The following DEPDC5 variants were observed in gnomAD, a reference collection of about 807,000 sequenced individuals.
DEPDC5 encodes GATOR1 complex protein DEPDC5.
A neutral mutation model predicts 217.3 loss-of-function variants in DEPDC5; 73 were observed. That is an observed-to-expected ratio of 0.34 (90% CI 0.28 to 0.41). The LOEUF (loss-of-function observed/expected upper bound fraction) is 0.41, where lower values mean the gene tolerates loss of function less well. Among genes scored for constraint, DEPDC5 ranks in the 10% least tolerant of loss-of-function variants. The pLI is 1.00. For synonymous variants in DEPDC5, 733 were observed against 756.7 expected (o/e 0.97, Z 0.51); for missense variants, 1,675 against 2,070.1 (o/e 0.81, Z 3.70).
chr22:31,856,302 CCAA>C (rs1444414937), intron 31 of DEPDC5, among the ~76,000 whole-genome samples: 1 of 152,002 alleles, frequency 6.6e-6, no homozygotes, highest in Non-Finnish European at 1.5e-5. Context: ...CCTGAAGGGG[CCAA>C]CAACTGAGAC....
chr22:31,789,057 C>T (rs905736944), intron 10 of DEPDC5, among the ~76,000 whole-genome samples: 6 of 150,808 alleles, frequency 4.0e-5, no homozygotes, highest in African/African-American at 1.2e-4. Context: ...CCACCTTACC[C>T]TGCTAATTTT....
chr22:31,836,894 C>A, intron 25 of DEPDC5, 78 bp from the exon 26 acceptor site: 2 of 1,275,606 alleles, frequency 1.6e-6, no homozygotes, highest in Non-Finnish European at 1.1e-6. Context: ...CTCTTCCCTC[C>A]CCTTCCCTCC....
At chr22:31,855,866 CAT>C (rs199772559) in intron 31 of DEPDC5, among the ~76,000 whole-genome samples, 2,184 of 151,816 alleles carry the variant, frequency 0.014, 19 homozygotes, top group Middle Eastern at 0.031. Context: ...ACTATGGAAA[CAT>C]ATTTTTGCAT....
At chr22:31,766,210 C>A (rs991938965) in intron 5 of DEPDC5, among the ~76,000 whole-genome samples, 1 of 152,086 alleles carries the variant, frequency 6.6e-6, no homozygotes, top group East Asian at 1.9e-4. Context: ...TCTCATTTTT[C>A]TTCAAGAAGT....
Position 31,893,639 on chromosome 22 carries a change from C to T in DEPDC5, c.4091C>T (p.Thr1364Ile), listed in dbSNP as rs768259642. The T allele has an allele frequency of 6.2e-7, 1 of 1,613,758 alleles. No individual in the cohort carries two copies. The highest frequency in any genetic ancestry group is 8.5e-7 in the Non-Finnish European group (1 of 1,179,918). The change falls in exon 39 of 43, where the codon ACA becomes ATA. Residue 1364 changes from threonine (T) to isoleucine (I), a missense_variant. Physicochemically the swap from Thr to Ile is moderately conservative, Grantham distance 89. Around this residue, in one of 11 missense-constraint regions of DEPDC5, gnomAD observed 182 missense variants for 290.1 expected, o/e 0.63. Coordinates refer to ENST00000651528, the MANE Select transcript of DEPDC5 (RefSeq NM_001242896.3). The part of the protein sequence containing the change: ...VTLDVDVNNR[T>I]DRLEWCSCYY... Reference sequence around the variant, plus strand: ...CTGGATGTTGACGTGAACAACCGCACAGACCGGCTGGAGTGGTGCAGCTGT... The same window carrying T: ...CTGGATGTTGACGTGAACAACCGCATAGACCGGCTGGAGTGGTGCAGCTGT...
chr22:31,802,427 G>A (rs902105707), intron 14 of DEPDC5, among the ~76,000 whole-genome samples: 1 of 152,136 alleles, frequency 6.6e-6, no homozygotes, highest in Non-Finnish European at 1.5e-5. Context: ...ACCATACCCA[G>A]CCCTCACAGC....
chr22:31,804,951 G>GT, intron 17 of DEPDC5, 36 bp downstream of exon 17: 1 of 1,564,736 alleles, frequency 6.4e-7, no homozygotes, highest in South Asian at 1.1e-5. Flanking sequence ...GGTGATAAGC[G>GT]TTTTGAACAG....
At chr22:31,763,742 A>G (rs1214603932) in intron 4 of DEPDC5, among the ~76,000 whole-genome samples, 1 of 151,850 alleles carries the variant, frequency 6.6e-6, no homozygotes, top group Non-Finnish European at 1.5e-5. Flanking sequence ...CTATCCACTC[A>G]TATTTAACAA....
chr22:31,842,807 T>G (rs1159109405), intron 27 of DEPDC5, among the ~76,000 whole-genome samples: 2 of 152,128 alleles, frequency 1.3e-5, no homozygotes, highest in African/African-American at 4.8e-5. Flanking sequence ...AGAACTTTCC[T>G]CTCCAGAGGA....
chr22:31,760,712 A>G lies in DEPDC5; in HGVS notation c.193+10A>G, dbSNP rs1322352494. On this transcript the variant is annotated intron_variant, in intron 4 of 42. Coordinates refer to ENST00000651528, the MANE Select transcript of DEPDC5 (RefSeq NM_001242896.3). Reference sequence around the variant, plus strand: ...GAAGATTTACAGAAGGGTAAGAATTATATCACTCTTCTTAGAATTTTTTAT... The same window carrying G: ...GAAGATTTACAGAAGGGTAAGAATTGTATCACTCTTCTTAGAATTTTTTAT... 4.4e-6 allele frequency: 7 copies of G among 1,599,816 alleles called. No individual in the cohort carries two copies. In the East Asian group the frequency reaches 1.6e-4, roughly 36 times the overall value.
chr22:31,860,055 C>T (rs1423098163), intron 32 of DEPDC5, among the ~76,000 whole-genome samples: 1 of 152,156 alleles, frequency 6.6e-6, no homozygotes, highest in African/African-American at 2.4e-5. Flanking sequence ...AAATTATAGT[C>T]GCAAATATAT....
chr22:31,868,458 C>G (rs1411917508), intron 33 of DEPDC5, among the ~76,000 whole-genome samples: 1 of 152,142 alleles, frequency 6.6e-6, no homozygotes, highest in Admixed American at 6.5e-5. Flanking sequence ...GACAGGGTCT[C>G]TCTCTGTCGC....
intron 26 of DEPDC5, 103 bp downstream of exon 26, chr22:31,837,258 T>TA: frequency 7.9e-7 from 1 of 1,265,530 alleles, no homozygotes; most frequent in Non-Finnish European, 1.1e-6. Context: ...CAGCAACACA[T>TA]ATATTAAAAT....
chr22:31,863,739 A>G (rs1355064175), intron 33 of DEPDC5, among the ~76,000 whole-genome samples: 1 of 152,146 alleles, frequency 6.6e-6, no homozygotes, highest in Non-Finnish European at 1.5e-5. Context: ...CCTGGTCAAT[A>G]TGGTGAAACC....
chr22:31,846,385 T>A (rs2091740760), intron 30 of DEPDC5, among the ~76,000 whole-genome samples: 1 of 152,176 alleles, frequency 6.6e-6, no homozygotes, highest in Non-Finnish European at 1.5e-5. Context: ...TCAGTATTCT[T>A]CCTCTCACAC....
At chr22:31,767,124 G>A (rs1000517970) in intron 6 of DEPDC5, among the ~76,000 whole-genome samples, 4 of 150,164 alleles carry the variant, frequency 2.7e-5, no homozygotes, top group South Asian at 2.1e-4. Context: ...CCCTCTTCCC[G>A]TTTTCCACAT....
intron 10 of DEPDC5, among the ~76,000 whole-genome samples, chr22:31,785,266 C>A (rs1219304326): frequency 6.7e-6 from 1 of 150,144 alleles, no homozygotes; most frequent in Non-Finnish European, 1.5e-5. Context: ...TGTAGAAAAT[C>A]CTCAAACTCC....
intron 4 of DEPDC5, among the ~76,000 whole-genome samples, chr22:31,762,537 G>A (rs1393877214): frequency 6.6e-6 from 1 of 152,228 alleles, no homozygotes; most frequent in African/African-American, 2.4e-5. Context: ...GCTGAAGTAG[G>A]TGGATCACCT....
At chr22:31,892,768 G>A (rs763395891) in intron 38 of DEPDC5, among the ~76,000 whole-genome samples, 7 of 151,236 alleles carry the variant, frequency 4.6e-5, no homozygotes, top group Non-Finnish European at 8.8e-5. Context: ...ATCCCCAGAC[G>A]GAGTAGTCCA....
Sources: gnomAD v4.1 joint callset for allele counts (sites outside exome capture counted in the v4.1 genomes callset) on GRCh38, gnomAD v4.1.1 for gene constraint, gnomAD v4.1.1 regional missense constraint, MANE v1.5 for transcripts, NCBI Gene and HGNC (gene_info 2026-07-23, HGNC 2026-07-21) for gene names.